Variants in AIG1 observed in about 807,000 individuals in gnomAD.
AIG1 encodes androgen-induced gene 1 protein.
A neutral mutation model predicts 31.4 loss-of-function variants in AIG1; 23 were observed. That is an observed-to-expected ratio of 0.73 (90% confidence interval 0.53 to 1.04). The LOEUF (loss-of-function observed/expected upper bound fraction) is 1.04. AIG1 is among the 50% of genes least tolerant of loss of function. The probability of loss-of-function intolerance (pLI) is 0.00; values close to 1 mark genes in which losing one functional copy is unlikely to be tolerated. For missense variants in AIG1, 274 were observed against 295.0 expected (o/e 0.93, Z 0.52); for synonymous variants, 100 against 110.5 (o/e 0.90, Z 0.60).
chr6:143,103,743 G>A (rs1176878479), intron 1 of AIG1, among the ~76,000 whole-genome samples: 1 of 151,880 alleles, frequency 6.6e-6, no homozygotes, highest in Non-Finnish European at 1.5e-5. Flanking sequence ...TCCTGACCTC[G>A]TGATCCGCCC....
At chr6:143,101,056 T>C (rs138573824) in intron 1 of AIG1, among the ~76,000 whole-genome samples, 1 of 152,304 alleles carries the variant, frequency 6.6e-6, no homozygotes, top group East Asian at 1.9e-4. Context: ...CATCTTTTTA[T>C]GCATGCCTGA....
At chr6:143,083,884 G>A (rs187873100) in intron 1 of AIG1, among the ~76,000 whole-genome samples, 2 of 152,332 alleles carry the variant, frequency 1.3e-5, no homozygotes, top group African/African-American at 4.8e-5. Flanking sequence ...CTTCTCCTAT[G>A]TTCAGGTGTC....
Position 143,060,911 on chromosome 6 carries a change from A to G in AIG1, c.-15A>G. The G allele has an allele frequency of 6.3e-7, 1 of 1,592,408 alleles. No individual in the cohort carries two copies. The highest frequency in any genetic ancestry group is 8.5e-7 in the Non-Finnish European group (1 of 1,171,212). On this transcript the variant is annotated 5_prime_UTR_variant, in exon 1 of 6. Coordinates refer to ENST00000357847, the MANE Select transcript of AIG1 (RefSeq NM_016108.4). Reference sequence around the variant, plus strand: ...GCCCTCCTTGCCGCCCAGCCGGTCCAGGCCTCTGGCGAACATGGCGCTTGT... The same window carrying G: ...GCCCTCCTTGCCGCCCAGCCGGTCCGGGCCTCTGGCGAACATGGCGCTTGT...
At chr6:143,191,745 C>G (rs1259624372) in intron 3 of AIG1, among the ~76,000 whole-genome samples, 2 of 152,012 alleles carry the variant, frequency 1.3e-5, no homozygotes, top group African/African-American at 4.8e-5. Context: ...AGGAAGGACA[C>G]AAAACATTTT....
intron 3 of AIG1, among the ~76,000 whole-genome samples, chr6:143,184,356 A>G (rs766117072): frequency 6.6e-6 from 1 of 152,174 alleles, no homozygotes; most frequent in East Asian, 1.9e-4. Flanking sequence ...CAGGTTCTGC[A>G]CTACGTGTGT....
intron 1 of AIG1, among the ~76,000 whole-genome samples, chr6:143,130,513 G>A (rs967440425): frequency 2.4e-4 from 36 of 151,572 alleles, no homozygotes; most frequent in Non-Finnish European, 1.6e-4. Flanking sequence ...TCAGGAGTTC[G>A]AAACCTGCCA....
rs1200010822 is a variant in AIG1, at chr6:143,256,195, C to T, written c.400-27915C>T. 6.6e-6 allele frequency among the ~76,000 whole-genome samples: 1 copy of T among 152,136 alleles called. No homozygotes were observed. Among genetic ancestry groups the T allele is most frequent in the Non-Finnish European group, 1.5e-5 (1 of 68,026 alleles). ...ACAGAAGTAAACTTCCCAACATAGG[C>T]AGTGTTGTTTAAGTCTATGTAATGT... On this transcript the variant is annotated intron_variant, in intron 3 of 5. Coordinates refer to ENST00000357847, the MANE Select transcript of AIG1 (RefSeq NM_016108.4). The surrounding 1 kb of genome is among the most constrained non-coding windows in gnomAD (Gnocchi z 4.6).
At chr6:143,176,507 G>A (rs996929010) in intron 3 of AIG1, among the ~76,000 whole-genome samples, 1 of 151,874 alleles carries the variant, frequency 6.6e-6, no homozygotes, top group Non-Finnish European at 1.5e-5. Context: ...ACTCTTCTTC[G>A]GCAGGGCTTG....
intron 3 of AIG1, among the ~76,000 whole-genome samples, chr6:143,222,484 G>C (rs1289493793): frequency 2.0e-5 from 3 of 152,052 alleles, no homozygotes; most frequent in Non-Finnish European, 4.4e-5. Flanking sequence ...GCTGGCCCCA[G>C]AGTCCAGAGC....
intron 3 of AIG1, among the ~76,000 whole-genome samples, chr6:143,173,622 C>T (rs755410202): frequency 9.9e-5 from 15 of 152,086 alleles, no homozygotes; most frequent in Non-Finnish European, 1.9e-4. Context: ...TTTTGATTTC[C>T]ACCTTGATTT....
At chr6:143,206,934 G>T (rs1266170857) in intron 3 of AIG1, among the ~76,000 whole-genome samples, 1 of 152,144 alleles carries the variant, frequency 6.6e-6, no homozygotes, top group African/African-American at 2.4e-5. Context: ...AGATAAAATA[G>T]AAGGCATTTC....
At chr6:143,300,066 C>A (rs1405117684) in intron 4 of AIG1, among the ~76,000 whole-genome samples, 1 of 152,192 alleles carries the variant, frequency 6.6e-6, no homozygotes, top group Admixed American at 6.5e-5. Flanking sequence ...GGCATGATGC[C>A]TGCTGCCTAA....
At chr6:143,232,508 A>T (rs1197896249) in intron 3 of AIG1, among the ~76,000 whole-genome samples, 2 of 152,132 alleles carry the variant, frequency 1.3e-5, no homozygotes, top group Non-Finnish European at 2.9e-5. Flanking sequence ...CATCAAAGGG[A>T]ACTATCCACC....
Position 143,218,546 on chromosome 6 carries a change from C to T in AIG1, c.399+53363C>T, listed in dbSNP as rs538424286. On this transcript the variant is annotated intron_variant, in intron 3 of 5. Coordinates refer to ENST00000357847, the MANE Select transcript of AIG1 (RefSeq NM_016108.4). ...TCCCTGAAGCAAGGGTTTGACATATCCCTTTACAAATCTTTAGATTTCTTG... is the reference window on the plus strand; with the variant it reads ...TCCCTGAAGCAAGGGTTTGACATATTCCTTTACAAATCTTTAGATTTCTTG... Among the ~76,000 whole-genome samples, 9 of 152,328 alleles carry T rather than the reference C, an allele frequency of 5.9e-5. No individual in the cohort carries two copies. In the East Asian group the frequency reaches 1.3e-3, roughly 23 times the overall value.
chr6:143,318,587 C>A (rs990711353), intron 4 of AIG1, among the ~76,000 whole-genome samples: 1 of 151,938 alleles, frequency 6.6e-6, no homozygotes, highest in Non-Finnish European at 1.5e-5. Context: ...GACTTCATCA[C>A]CAAGAACCCA....
intron 3 of AIG1, among the ~76,000 whole-genome samples, chr6:143,167,807 T>C (rs937437600): frequency 2.6e-5 from 4 of 152,220 alleles, no homozygotes; most frequent in African/African-American, 9.6e-5. Context: ...ATGAGTTCAA[T>C]AGATTCTTTC....
chr6:143,160,432 A>G (rs1006101577), intron 2 of AIG1, among the ~76,000 whole-genome samples: 1 of 152,216 alleles, frequency 6.6e-6, no homozygotes, highest in Non-Finnish European at 1.5e-5. Context: ...GGGGGTTCAA[A>G]TGAGACATCA....
In AIG1 at chr6:143,155,013, A is replaced by ATT. The variant is rs61017846; in HGVS notation, c.298-10053_298-10052dup. ...CAGACATACACCACCACATCTGGCTATTTTTTTTTTTTTTTTTGTATTTTT... is the reference window on the plus strand; with the variant it reads ...CAGACATACACCACCACATCTGGCTATTTTTTTTTTTTTTTTTTTGTATTTTT... On this transcript the variant is annotated intron_variant, in intron 2 of 5. Transcript: ENST00000357847. Among the ~76,000 whole-genome samples, 558 of 123,992 alleles carry ATT rather than the reference A, an allele frequency of 4.5e-3. 6 individuals are homozygous for ATT. The highest frequency in any genetic ancestry group is 0.015 in the African/African-American group (517 of 34,390). The allele number at this position is 123,992 out of a possible 152,430, so 81.3% of individuals were successfully genotyped here.
At chr6:143,078,744 G>C (rs1012302267) in intron 1 of AIG1, among the ~76,000 whole-genome samples, 2 of 152,120 alleles carry the variant, frequency 1.3e-5, no homozygotes, top group Non-Finnish European at 2.9e-5. Context: ...CTCCCACTGG[G>C]TCCCTCCCAC....
Sources: gnomAD v4.1 joint callset for allele counts (sites outside exome capture counted in the v4.1 genomes callset) on GRCh38, gnomAD v4.1.1 for gene constraint, Gnocchi (gnomAD v3.1) non-coding constraint, MANE v1.5 for transcripts, NCBI Gene and HGNC (gene_info 2026-07-23, HGNC 2026-07-21) for gene names.